Variants in GSDME observed in about 807,000 individuals in gnomAD.
GSDME encodes gasdermin-E.
In GSDME, 44 loss-of-function variants were observed where a neutral mutation model predicts 47.5. The ratio of observed to expected loss-of-function variants is 0.93; its 90% confidence interval spans 0.73 to 1.19. GSDME has a LOEUF of 1.19. Among genes scored for constraint, GSDME ranks in the 50% most tolerant of loss-of-function variants. The pLI, the probability that GSDME is intolerant of heterozygous loss-of-function variation, is 0.00. For synonymous variants in GSDME, 258 were observed against 252.8 expected, an observed-to-expected ratio of 1.02 and a Z score of -0.20; for missense variants, 663 against 604.2, an observed-to-expected ratio of 1.10 and a Z score of -1.02.
chr7:24,702,082 C>T (rs1297176010), intron 9 of GSDME, among the ~76,000 whole-genome samples: 1 of 152,230 alleles, frequency 6.6e-6, no homozygotes, highest in Non-Finnish European at 1.5e-5. Context: ...GTGCTCAGCT[C>T]CTCTGCCCCA....
In GSDME at chr7:24,705,834, A is replaced by G; in HGVS notation, c.1183+350T>C. ...TGGAGGAGAGCAGTTGGCAAATGAA[A>G]GTTGCTGCCACTCAGCTCTGCTGGG... On this transcript the variant is annotated intron_variant, in intron 8 of 9. Coordinates refer to ENST00000645220, the MANE Select transcript of GSDME (RefSeq NM_001127453.2). This position sits in a 1 kb window ranked among gnomAD's most constrained non-coding sequence, Gnocchi z 4.1. 2.6e-6 allele frequency: 1 copy of G among 385,068 alleles called. No homozygotes were observed. Among genetic ancestry groups the G allele is most frequent in the South Asian group, 2.3e-5 (1 of 44,242 alleles). 23.9% of individuals were successfully genotyped at this position (385,068 alleles called of 1,614,324 possible).
chr7:24,710,731 CAAAACAACTAGGAAAATCTGAACACTG>C, intron 5 of GSDME: 1 of 262,956 alleles, frequency 3.8e-6, no homozygotes, highest in Non-Finnish European at 7.4e-6. Context: ...CTGACATGCA[CAAAACAACTAGGAAAATCTGAACACTG>C]ATAATATTTT....
chr7:24,781,525 A>C, the GSDME span, among the ~76,000 whole-genome samples: 1 of 152,306 alleles, frequency 6.6e-6, no homozygotes, highest in Admixed American at 6.5e-5. Flanking sequence ...AGGACTATAC[A>C]GTTCATATAG....
rs1427276277 is a variant in GSDME at position 24,725,351 on chromosome 7, C to T, written c.405-6133G>A. On this transcript the variant is annotated intron_variant, in intron 3 of 9. Coordinates refer to ENST00000645220, the MANE Select transcript of GSDME (RefSeq NM_001127453.2). This position sits in a 1 kb window ranked among gnomAD's most constrained non-coding sequence, Gnocchi z 5.1. ...ATTGGCAGGGAAGGCAAGTCAAGAC[C>T]CCTTTCCAGGGTGGTCAAAGAAATG... is the stretch of plus-strand genomic sequence containing the variant. Among the ~76,000 whole-genome samples, 1 of 152,078 alleles carries T rather than the reference C, an allele frequency of 6.6e-6. No homozygotes were observed. Among genetic ancestry groups the T allele is most frequent in the South Asian group, 2.1e-4 (1 of 4,828 alleles).
chr7:24,731,480 C>G (rs117526368), intron 3 of GSDME, among the ~76,000 whole-genome samples: 57 of 152,368 alleles, frequency 3.7e-4, no homozygotes, highest in South Asian at 2.1e-3. Context: ...AGAGCTCAAA[C>G]AAAACATCAT....
At chr7:24,789,520 C>T in the GSDME span, among the ~76,000 whole-genome samples, 13,153 of 152,182 alleles carry the variant, frequency 0.086, 749 homozygotes, top group South Asian at 0.12. Flanking sequence ...GTAATCAGAA[C>T]GGAACAGAAC....
At chr7:24,792,142 T>C in the GSDME span, among the ~76,000 whole-genome samples, 13 of 152,396 alleles carry the variant, frequency 8.5e-5, no homozygotes, top group African/African-American at 2.6e-4. Context: ...GCCAACGGTA[T>C]ATTTGATTCA....
In GSDME at chr7:24,732,593, C is replaced by T. The variant is rs1016879238; in HGVS notation, c.404+11969G>A. 2.0e-5 allele frequency among the ~76,000 whole-genome samples: 3 copies of T among 152,218 alleles called. No homozygotes were observed. The highest frequency in any genetic ancestry group is 7.2e-5 in the African/African-American group (3 of 41,450). On this transcript the variant is annotated intron_variant, in intron 3 of 9. Coordinates refer to ENST00000645220, the MANE Select transcript of GSDME (RefSeq NM_001127453.2). The surrounding 1 kb of genome is among the most constrained non-coding windows in gnomAD (Gnocchi z 4.8). ...CCCTCCCCTATCTCTGGGCAGCAGC[C>T]ATGTGGCAGAGAGAGAGAAGCCGTG... is the stretch of plus-strand genomic sequence containing the variant.
chr7:24,743,750 C>A (rs1046604637), intron 3 of GSDME, among the ~76,000 whole-genome samples: 1 of 152,234 alleles, frequency 6.6e-6, no homozygotes, highest in Admixed American at 6.5e-5. Context: ...TCCCTGCCCT[C>A]CTGCAGAGCT....
chr7:24,758,406 C>G (rs1193314674), upstream of GSDME, among the ~76,000 whole-genome samples: 1 of 152,228 alleles, frequency 6.6e-6, no homozygotes, highest in African/African-American at 2.4e-5. The surrounding 1 kb of genome is among the most constrained non-coding windows in gnomAD (Gnocchi z 4.6). Flanking sequence ...TTTCTTTTCT[C>G]AAAAGCCTGT....
the GSDME span, among the ~76,000 whole-genome samples, chr7:24,767,904 G>C: frequency 6.6e-6 from 1 of 152,140 alleles, no homozygotes; most frequent in Non-Finnish European, 1.5e-5. The surrounding 1 kb of genome is among the most constrained non-coding windows in gnomAD (Gnocchi z 5.3). Context: ...ATCTGCCTTT[G>C]CTTTATTAAT....
Position 24,721,642 on chromosome 7 carries a change from G to A in GSDME, c.405-2424C>T, listed in dbSNP as rs1011053514. ...TGCCACACAAACACTAGCTGGCTCC[G>A]CCCACCTTCCCGTGTCCCTCTATGA... On this transcript the variant is annotated intron_variant, in intron 3 of 9. Coordinates refer to ENST00000645220, the MANE Select transcript of GSDME (RefSeq NM_001127453.2). This position sits in a 1 kb window ranked among gnomAD's most constrained non-coding sequence, Gnocchi z 4.1. Among the ~76,000 whole-genome samples, 2 of 152,180 alleles carry A rather than the reference G, an allele frequency of 1.3e-5. No homozygotes were observed. The highest frequency in any genetic ancestry group is 2.1e-4 in the South Asian group (1 of 4,836).
chr7:24,711,884 G>T (rs1789370869), intron 5 of GSDME, among the ~76,000 whole-genome samples: 1 of 151,088 alleles, frequency 6.6e-6, no homozygotes, highest in East Asian at 1.9e-4. Context: ...CCCAGCTAAG[G>T]TATCTAAGGT....
intron 8 of GSDME, chr7:24,704,182 A>G (rs1316462728): frequency 6.6e-6 from 1 of 152,238 alleles, no homozygotes; most frequent in Non-Finnish European, 1.5e-5. Context: ...TGCCTAAAAC[A>G]TAGTATAAGC....
chr7:24,703,359 C>G (rs1038097706), intron 8 of GSDME: 4 of 194,022 alleles, frequency 2.1e-5, no homozygotes, highest in African/African-American at 9.3e-5. Flanking sequence ...GCAGCGTGGC[C>G]TGAGGCCAGG....
At chr7:24,790,782 T>C in the GSDME span, among the ~76,000 whole-genome samples, 2 of 152,146 alleles carry the variant, frequency 1.3e-5, no homozygotes, top group Non-Finnish European at 2.9e-5. This position sits in a 1 kb window ranked among gnomAD's most constrained non-coding sequence, Gnocchi z 4.1. Flanking sequence ...TTGTACTGGG[T>C]GGCATTATAC....
At position 24,744,702 on chromosome 7, in the gene GSDME, C is replaced by A. The variant is rs753782404; in HGVS notation, c.264G>T (p.Val88=). ...VKYEGKFANH[V]SGTLETALGK... is the part of the protein sequence containing the mutation. ...CCAGTGCAGTCTCCAGGGTTCCACT[C>A]ACGTGGTTTGCAAACTTGCCCTCGT... The change falls in exon 3 of 10, where the codon GTG becomes GTT. Residue 88 remains valine (V), a synonymous_variant. Coordinates refer to ENST00000645220, the MANE Select transcript of GSDME (RefSeq NM_001127453.2). The surrounding 1 kb of genome is among the most constrained non-coding windows in gnomAD (Gnocchi z 4.5). The A allele has an allele frequency of 1.2e-6, 2 of 1,614,150 alleles. No homozygotes were observed. Among genetic ancestry groups the A allele is most frequent in the South Asian group, 2.2e-5 (2 of 91,082 alleles).
At chr7:24,708,787 T>G (rs559313071) in intron 6 of GSDME, among the ~76,000 whole-genome samples, 1 of 152,352 alleles carries the variant, frequency 6.6e-6, no homozygotes, top group East Asian at 1.9e-4. Context: ...TCTTTCTCTA[T>G]CCTTTGCTTC....
At chr7:24,768,729 C>T in the GSDME span, among the ~76,000 whole-genome samples, 1 of 152,348 alleles carries the variant, frequency 6.6e-6, no homozygotes, top group Admixed American at 6.5e-5. The surrounding 1 kb of genome is among the most constrained non-coding windows in gnomAD (Gnocchi z 5.6). Context: ...AGATTGGGAG[C>T]ACCACCTTAA....
Sources: allele counts gnomAD v4.1 joint callset (sites outside exome capture counted in the v4.1 genomes callset), GRCh38; gene constraint gnomAD v4.1.1; non-coding constraint Gnocchi (gnomAD v3.1); transcripts MANE v1.5; gene names NCBI Gene and HGNC (gene_info 2026-07-23, HGNC 2026-07-21).